The following ZNF20 variants were observed in gnomAD, a reference collection of about 807,000 sequenced individuals.
ZNF20 encodes the protein zinc finger protein 20.
Under a neutral mutation model 11.0 loss-of-function variants are expected in ZNF20, and 9 were observed. The observed-to-expected ratio is 0.82, with a 90% CI of 0.49 to 1.43. The LOEUF (loss-of-function observed/expected upper bound fraction) is 1.43, where lower values mean the gene tolerates loss of function less well. Among genes scored for constraint, ZNF20 ranks in the 40% most tolerant of loss-of-function variants. The probability of loss-of-function intolerance (pLI) is 0.00; values close to 1 mark genes in which losing one functional copy is unlikely to be tolerated. For synonymous variants in ZNF20, 182 were observed against 213.0 expected (o/e 0.85, Z 1.27); for missense variants, 528 against 640.8 (o/e 0.82, Z 1.90).
intron 3 of ZNF20, among the ~76,000 whole-genome samples, chr19:12,135,000 AGGACT>A (rs1976687353): frequency 6.6e-6 from 1 of 152,108 alleles, no homozygotes; most frequent in South Asian, 2.1e-4. Context: ...AAAGCCCCAA[AGGACT>A]GGCATTTGGG....
Position 12,133,695 on chromosome 19 carries a change from G to A in ZNF20, c.491C>T (p.Ala164Val), listed in dbSNP as rs1183352658. The A allele has an allele frequency of 1.9e-6, 3 of 1,614,062 alleles. No homozygotes were observed. Among genetic ancestry groups the A allele is most frequent in the East Asian group, 4.5e-5 (2 of 44,888 alleles). The change falls in exon 4 of 4, where the codon GCT (alanine) becomes GTT (valine). Residue 164 changes from alanine to valine, a missense_variant. By Grantham distance (64) the Ala-to-Val change is moderately conservative. Coordinates refer to ENST00000334213, the MANE Select transcript of ZNF20 (RefSeq NM_021143.4). ...YLDSFQSHDK[A>V]CTKEKPYDGK... ...ATCATAGGGTTTCTCTTTAGTGCAA[G>A]CTTTATCATGTGATTGAAAGGAGTC...
chr19:12,135,466 A>G (rs1976695275), intron 3 of ZNF20, 34 bp downstream of exon 3: 2 of 1,604,368 alleles, frequency 1.2e-6, no homozygotes, highest in South Asian at 1.1e-5. Context: ...AAGATTTTCT[A>G]GAGGCATTGC....
intron 1 of ZNF20, 123 bp from the exon 2 acceptor site, chr19:12,136,027 C>T: frequency 7.8e-7 from 1 of 1,287,396 alleles, no homozygotes; most frequent in Non-Finnish European, 1.1e-6. Flanking sequence ...CATCACACCT[C>T]TTACTTTCTG....
chr19:12,136,069 T>C, intron 1 of ZNF20, 165 bp from the exon 2 acceptor site: 1 of 908,288 alleles, frequency 1.1e-6, no homozygotes, highest in Non-Finnish European at 1.6e-6. Context: ...AAACCAACCC[T>C]TTTTTTGTTA....
chr19:12,137,317 AG>A (rs371802443), intron 1 of ZNF20: 22,577 of 142,162 alleles, frequency 0.16, 2,347 homozygotes, highest in African/African-American at 0.3. Context: ...AAAAAAAAAA[AG>A]AAGAAGAAGA....
intron 1 of ZNF20, 41 bp from the exon 2 acceptor site, chr19:12,135,945 G>A: frequency 6.2e-7 from 1 of 1,605,320 alleles, no homozygotes. Flanking sequence ...TAACAGCCCT[G>A]GAGGCCTATA....
In ZNF20 at chr19:12,139,822, G is replaced by C. The variant is rs546122243; in HGVS notation, c.3+358C>G. On this transcript the variant is annotated intron_variant, in intron 1 of 3. Transcript: ENST00000334213. This position sits in a 1 kb window ranked among gnomAD's most constrained non-coding sequence, Gnocchi z 4.0. ...TGGGATTACAAGCATGGTCCACCGC[G>C]CCCGGCCCAAACTCTTTAACAGAAA... Among the ~76,000 whole-genome samples, 1 of 152,014 alleles carries C rather than the reference G, an allele frequency of 6.6e-6. No individual in the cohort carries two copies. The highest frequency in any genetic ancestry group is 6.6e-5 in the Admixed American group (1 of 15,266).
Position 12,132,341 on chromosome 19 carries a change from G to T in ZNF20, c.*246C>A, listed in dbSNP as rs1047221426. ...AGCCACACACCTCTCTCCCTGTGTG[G>T]GGCCTCTAATATGTGACTGATGCCT... On this transcript the variant is annotated 3_prime_UTR_variant, in exon 4 of 4. Transcript: ENST00000334213. The T allele has an allele frequency of 2.6e-5, 12 of 452,888 alleles. No homozygotes were observed. Among genetic ancestry groups the T allele is most frequent in the Non-Finnish European group, 4.6e-5 (12 of 258,820 alleles). The allele number at this position is 452,888 out of a possible 1,614,324, so 28.1% of individuals were successfully genotyped here.
intron 3 of ZNF20, among the ~76,000 whole-genome samples, chr19:12,134,947 A>G (rs900049280): frequency 6.6e-6 from 1 of 151,962 alleles, no homozygotes; most frequent in Non-Finnish European, 1.5e-5. Context: ...AACATGGCTC[A>G]CTGCAGCCTC....
chr19:12,135,942 C>T (rs746519725), intron 1 of ZNF20, 38 bp from the exon 2 acceptor site: 1 of 1,605,730 alleles, frequency 6.2e-7, no homozygotes, highest in Non-Finnish European at 8.5e-7. Context: ...GACTAACAGC[C>T]CTGGAGGCCT....
Position 12,140,330 on chromosome 19 carries a change from A to G in ZNF20, c.-148T>C. ...ATCTGGTATCCCGACAACAACCTGC[A>G]TAGCAACAAAAGTAGAAGCTGGAAT... On this transcript the variant is annotated 5_prime_UTR_variant, in exon 1 of 4. An upstream start codon of the reference 5' UTR is lost. Coordinates refer to ENST00000334213, the MANE Select transcript of ZNF20 (RefSeq NM_021143.4). 9.7e-7 allele frequency: 1 copy of G among 1,034,862 alleles called. No individual in the cohort carries two copies. Among genetic ancestry groups the G allele is most frequent in the Non-Finnish European group, 1.5e-6 (1 of 679,382 alleles). The allele number at this position is 1,034,862 out of a possible 1,614,324, so 64.1% of individuals were successfully genotyped here. A position where few individuals can be genotyped will look rare whatever the true frequency, so the allele number is the denominator to read the frequency against.
intron 1 of ZNF20, among the ~76,000 whole-genome samples, chr19:12,136,141 C>G (rs995076983): frequency 2.0e-5 from 3 of 152,096 alleles, no homozygotes; most frequent in Non-Finnish European, 2.9e-5. Flanking sequence ...CTTTGGGAGG[C>G]TGAGGCAGGC....
intron 1 of ZNF20, among the ~76,000 whole-genome samples, chr19:12,138,003 T>C (rs1206014378): frequency 6.6e-6 from 1 of 152,140 alleles, no homozygotes; most frequent in Non-Finnish European, 1.5e-5. Context: ...CCTCAGGCTA[T>C]CCTCTGGGAG....
In ZNF20 at chr19:12,140,213, T is replaced by C; in HGVS notation, c.-31A>G. On this transcript the variant is annotated 5_prime_UTR_variant, in exon 1 of 4. Transcript: ENST00000334213. ...GGCTTCTGGGTGTCCCGGTGTCCTC[T>C]CTAGGGCTCCCGTGAATAGTGCGGG... 1 of 1,599,692 alleles carries C rather than the reference T, an allele frequency of 6.3e-7. No individual in the cohort carries two copies. The highest frequency in any genetic ancestry group is 1.1e-5 in the South Asian group (1 of 89,040).
In ZNF20 at chr19:12,132,765, G is replaced by A. The variant is rs751006277; in HGVS notation, c.1421C>T (p.Thr474Ile). The A allele has an allele frequency of 1.9e-6, 3 of 1,613,942 alleles. No homozygotes were observed. Among genetic ancestry groups the A allele is most frequent in the African/African-American group, 1.3e-5 (1 of 74,876 alleles). ...CTTACATTCATAGGGTTTCTCTCCA[G>A]TGTGAGTCCTTTCATGATATCGAAT... is the stretch of plus-strand genomic sequence containing the variant. ...SSIRYHERTH[T>I]GEKPYECKHC... Residue 474 changes from threonine to isoleucine, a missense_variant, in exon 4 of 4, where the codon ACT becomes ATT. Thr to Ile is a moderately conservative substitution (Grantham distance 89). Transcript: ENST00000334213.
At chr19:12,140,138 C>A in intron 1 of ZNF20, 42 bp downstream of exon 1, 1 of 1,587,170 alleles carries the variant, frequency 6.3e-7, no homozygotes, top group East Asian at 2.3e-5. Flanking sequence ...CGGTTCCACC[C>A]AGCCCCTCCC....
intron 1 of ZNF20, chr19:12,137,112 C>T: frequency 5.6e-6 from 1 of 180,056 alleles, no homozygotes; most frequent in Non-Finnish European, 1.2e-5. Flanking sequence ...CAAGACCAGT[C>T]TGGCCAACAT....
At position 12,140,332 on chromosome 19, in the gene ZNF20, A is replaced by G. The variant is rs1184663350; in HGVS notation, c.-150T>C. On this transcript the variant is annotated 5_prime_UTR_variant, in exon 1 of 4. Transcript: ENST00000334213. Reference sequence around the variant, plus strand: ...CTGGTATCCCGACAACAACCTGCATAGCAACAAAAGTAGAAGCTGGAATGG... The same window carrying G: ...CTGGTATCCCGACAACAACCTGCATGGCAACAAAAGTAGAAGCTGGAATGG... The G allele has an allele frequency of 9.9e-7, 1 of 1,014,408 alleles. No homozygotes were observed. 62.8% of individuals were successfully genotyped at this position (1,014,408 alleles called of 1,614,324 possible). A position where few individuals can be genotyped will look rare whatever the true frequency, so the allele number is the denominator to read the frequency against.
chr19:12,134,890 T>TG (rs1486705201), intron 3 of ZNF20, among the ~76,000 whole-genome samples: 5 of 152,072 alleles, frequency 3.3e-5, no homozygotes, highest in Admixed American at 1.3e-4. Context: ...TTTTTTGAGT[T>TG]GGGGTCTCAA....
Sources: allele counts gnomAD v4.1 joint callset (sites outside exome capture counted in the v4.1 genomes callset), GRCh38; gene constraint gnomAD v4.1.1; non-coding constraint Gnocchi (gnomAD v3.1); transcripts MANE v1.5; gene names NCBI Gene and HGNC (gene_info 2026-07-23, HGNC 2026-07-21).